CADPS2: variants seen among roughly 807,000 people sequenced by gnomAD.
CADPS2 encodes the protein calcium dependent secretion activator 2.
A neutral mutation model predicts 172.5 loss-of-function variants in CADPS2; 93 were observed. The observed-to-expected ratio is 0.54, with a 90% CI of 0.46 to 0.64. The LOEUF (loss-of-function observed/expected upper bound fraction) is 0.64. CADPS2 is among the 30% of genes least tolerant of loss of function. The pLI is 0.00. For synonymous variants in CADPS2, 546 were observed against 555.2 expected, an observed-to-expected ratio of 0.98 and a Z score of 0.23; for missense variants, 1,420 against 1,565.9, an observed-to-expected ratio of 0.91 and a Z score of 1.57.
At chr7:122,494,002 G>A (rs183649466) in intron 9 of CADPS2, among the ~76,000 whole-genome samples, 17 of 152,004 alleles carry the variant, frequency 1.1e-4, no homozygotes, top group Non-Finnish European at 1.8e-4. Context: ...TTAATCAAAC[G>A]CTAATTTAAA....
intron 7 of CADPS2, among the ~76,000 whole-genome samples, chr7:122,577,486 T>C (rs2068204112): frequency 6.6e-6 from 1 of 152,224 alleles, no homozygotes; most frequent in Non-Finnish European, 1.5e-5. Flanking sequence ...GCCACTGCAT[T>C]AATTAATAGC....
chr7:122,595,707 C>T (rs1032469856), intron 6 of CADPS2, among the ~76,000 whole-genome samples: 1 of 151,950 alleles, frequency 6.6e-6, no homozygotes, highest in Non-Finnish European at 1.5e-5. Context: ...TTTTTCTTTC[C>T]TAAATGACAG....
At position 122,698,558 on chromosome 7, in the gene CADPS2, C is replaced by T. The variant is rs778508261; in HGVS notation, c.454-34989G>A. On this transcript the variant is annotated intron_variant, in intron 2 of 29. Coordinates refer to ENST00000449022, the MANE Select transcript of CADPS2 (RefSeq NM_017954.11). ...ATGATCACTCCACTGGCTCCCTTCT[C>T]AGTTGCCACTTTAATTTTCTGTGTG... 3.0e-5 allele frequency: 48 copies of T among 1,614,084 alleles called. 1 individual carries two copies. Among genetic ancestry groups the T allele is most frequent in the Non-Finnish European group, 1.4e-5 (16 of 1,179,962 alleles).
intron 11 of CADPS2, among the ~76,000 whole-genome samples, chr7:122,484,221 G>T (rs1221885699): frequency 6.6e-6 from 1 of 152,070 alleles, no homozygotes; most frequent in African/African-American, 2.4e-5. Flanking sequence ...AAATACTTTT[G>T]AATAAGAGAA....
At chr7:122,322,797 T>C (rs1297657890) in intron 29 of CADPS2, among the ~76,000 whole-genome samples, 1 of 152,210 alleles carries the variant, frequency 6.6e-6, no homozygotes, top group Admixed American at 6.5e-5. Flanking sequence ...AGTGTCTTTG[T>C]TTAGGGTAAA....
rs553785182 is a variant in CADPS2 at position 122,362,590 on chromosome 7, C to T, written c.3388-1577G>A. ...GATGAATAAGAGATCTTAAGAATGA[C>T]ATACTGCCCTACATCTCTCCTCCTT... is the stretch of plus-strand genomic sequence containing the variant. On this transcript the variant is annotated intron_variant, in intron 25 of 29. Transcript: ENST00000449022. Among the ~76,000 whole-genome samples, 62 of 152,280 alleles carry T rather than the reference C, an allele frequency of 4.1e-4. No homozygotes were observed. The South Asian group carries it at 0.012, about 31-fold the overall frequency.
intron 28 of CADPS2, among the ~76,000 whole-genome samples, chr7:122,331,354 T>C (rs1037190161): frequency 1.3e-5 from 2 of 152,204 alleles, no homozygotes; most frequent in Non-Finnish European, 2.9e-5. Context: ...AGTGATTCAG[T>C]TAAAATTTCA....
intron 1 of CADPS2, among the ~76,000 whole-genome samples, chr7:122,818,315 G>T (rs984053899): frequency 4.6e-5 from 7 of 151,934 alleles, no homozygotes; most frequent in African/African-American, 1.7e-4. Flanking sequence ...ATACAAACTC[G>T]ACAGTAGTTC....
At chr7:122,661,512 C>A (rs1435181259) in intron 3 of CADPS2, among the ~76,000 whole-genome samples, 1 of 152,032 alleles carries the variant, frequency 6.6e-6, no homozygotes, top group African/African-American at 2.4e-5. Context: ...CTTATAATAT[C>A]TTTGTGTTTT....
chr7:122,820,377 C>T (rs577472678), intron 1 of CADPS2, among the ~76,000 whole-genome samples: 10 of 152,074 alleles, frequency 6.6e-5, no homozygotes, highest in African/African-American at 1.2e-4. Context: ...TAAAAACACA[C>T]GTGCTCTCCC....
At chr7:122,704,817 G>A (rs1454242778) in intron 2 of CADPS2, among the ~76,000 whole-genome samples, 1 of 152,052 alleles carries the variant, frequency 6.6e-6, no homozygotes, top group Admixed American at 6.6e-5. Context: ...ACATCTGGCT[G>A]CTTCTGCAGA....
intron 6 of CADPS2, among the ~76,000 whole-genome samples, chr7:122,595,768 G>C (rs1377636101): frequency 1.3e-5 from 2 of 152,042 alleles, no homozygotes; most frequent in East Asian, 3.9e-4. Context: ...AGTAGAATGG[G>C]AGCAATAGGG....
At chr7:122,497,665 T>C (rs1164249736) in intron 9 of CADPS2, among the ~76,000 whole-genome samples, 1 of 152,204 alleles carries the variant, frequency 6.6e-6, no homozygotes, top group Non-Finnish European at 1.5e-5. Flanking sequence ...AATATTTATT[T>C]ATATTTGCCC....
chr7:122,713,865 G>A (rs190661720), intron 2 of CADPS2, among the ~76,000 whole-genome samples: 1 of 151,844 alleles, frequency 6.6e-6, no homozygotes, highest in Non-Finnish European at 1.5e-5. Flanking sequence ...AAAACAAAAA[G>A]GTCTTTTTTG....
At chr7:122,541,679 A>T (rs998224269) in intron 8 of CADPS2, among the ~76,000 whole-genome samples, 1 of 145,514 alleles carries the variant, frequency 6.9e-6, no homozygotes, top group Non-Finnish European at 1.5e-5. Flanking sequence ...ATATGTTTAT[A>T]TATTTATTCA....
intron 27 of CADPS2, among the ~76,000 whole-genome samples, chr7:122,354,825 T>C (rs1435076421): frequency 6.6e-6 from 1 of 152,186 alleles, no homozygotes; most frequent in Non-Finnish European, 1.5e-5. Context: ...GGTTCTATGA[T>C]GGGGCCATAA....
intron 2 of CADPS2, among the ~76,000 whole-genome samples, chr7:122,705,462 T>C (rs2086850222): frequency 7.4e-6 from 1 of 134,632 alleles, no homozygotes; most frequent in South Asian, 2.1e-4. Context: ...ATTATCTATA[T>C]TATATATTAT....
At chr7:122,645,547 T>C (rs1483366402) in intron 3 of CADPS2, among the ~76,000 whole-genome samples, 1 of 128,102 alleles carries the variant, frequency 7.8e-6, no homozygotes, top group African/African-American at 3.3e-5. Context: ...TATACTTATA[T>C]ATATACTTAG....
chr7:122,527,617 AGTGT>A (rs59653845), intron 8 of CADPS2, among the ~76,000 whole-genome samples: 4,419 of 83,214 alleles, frequency 0.053, 98 homozygotes, highest in Non-Finnish European at 0.077. Context: ...AGAGAGAGAG[AGTGT>A]GTGTGTGTGT....
Sources: gnomAD v4.1 joint callset for allele counts (sites outside exome capture counted in the v4.1 genomes callset) on GRCh38, gnomAD v4.1.1 for gene constraint, MANE v1.5 for transcripts, NCBI Gene and HGNC (gene_info 2026-07-23, HGNC 2026-07-21) for gene names.